The following RSRC1 variants were observed in gnomAD, a reference collection of about 807,000 sequenced individuals.
The protein encoded by RSRC1 is serine/Arginine-related protein 53.
Under a neutral mutation model 49.1 loss-of-function variants are expected in RSRC1, and 39 were observed. The ratio of observed to expected loss-of-function variants is 0.79; its 90% CI spans 0.61 to 1.04. The LOEUF is 1.04. Ranked by LOEUF, RSRC1 falls within the 50% of genes least tolerant of loss-of-function variation. The pLI, the probability that RSRC1 is intolerant of heterozygous loss-of-function variation, is 0.00. For synonymous variants in RSRC1, 143 were observed against 130.8 expected (o/e 1.09, Z -0.63); for missense variants, 388 against 402.4 (o/e 0.96, Z 0.31).
intron 3 of RSRC1, 21 bp downstream of exon 3, chr3:158,124,012 A>G (rs1214429530): frequency 1.3e-6 from 2 of 1,501,726 alleles, no homozygotes; most frequent in Non-Finnish European, 1.8e-6. Flanking sequence ...TTAAGTATTT[A>G]TTGCTTTGTA....
chr3:158,470,353 C>CATAT lies in RSRC1; in HGVS notation c.652+9351_652+9352insTATA, dbSNP rs1168384550. On this transcript the variant is annotated intron_variant, in intron 7 of 9. Coordinates refer to ENST00000611884, the MANE Select transcript of RSRC1 (RefSeq NM_001271838.2). The stretch of plus-strand genomic sequence containing the variant: ...ACACACACACACACACACACACACA[C>CATAT]ACACACACATATATATATATATATA... 6.3e-3 allele frequency among the ~76,000 whole-genome samples: 755 copies of CATAT among 119,934 alleles called. 5 individuals are homozygous for CATAT. Among genetic ancestry groups the CATAT allele is most frequent in the African/African-American group, 0.025 (719 of 28,762 alleles). 78.7% of individuals were successfully genotyped at this position (119,934 alleles called of 152,430 possible). A position where few individuals can be genotyped will look rare whatever the true frequency, so the allele number is the denominator to read the frequency against.
chr3:158,526,335 A>G (rs1341061180), intron 7 of RSRC1, among the ~76,000 whole-genome samples: 1 of 152,022 alleles, frequency 6.6e-6, no homozygotes, highest in East Asian at 1.9e-4. Context: ...AGCGTAGAGG[A>G]TGTTTGAAGT....
intron 6 of RSRC1, among the ~76,000 whole-genome samples, chr3:158,435,862 C>T (rs1005283746): frequency 6.6e-6 from 1 of 151,500 alleles, no homozygotes; most frequent in African/African-American, 2.4e-5. Context: ...TATATCCACA[C>T]ATATATCTTA....
Position 158,429,975 on chromosome 3 carries a change from C to G in RSRC1, c.584-30960C>G, listed in dbSNP as rs962700185. ...TAGAGATCTGCTGTAAGGCATGGTACCTATAGTAAACAATAATGACTTGTA... is the reference window on the plus strand; with the variant it reads ...TAGAGATCTGCTGTAAGGCATGGTAGCTATAGTAAACAATAATGACTTGTA... On this transcript the variant is annotated intron_variant, in intron 6 of 9. Transcript: ENST00000611884. Among the ~76,000 whole-genome samples, 116 of 151,240 alleles carry G rather than the reference C, an allele frequency of 7.7e-4. 1 individual carries two copies. The highest frequency in any genetic ancestry group is 1.3e-3 in the Non-Finnish European group (87 of 67,744).
chr3:158,458,393 C>T (rs1193614761), intron 6 of RSRC1, among the ~76,000 whole-genome samples: 3 of 151,636 alleles, frequency 2.0e-5, no homozygotes, highest in Non-Finnish European at 4.4e-5. Flanking sequence ...TGGCAAAAAC[C>T]ATTAAAATAG....
chr3:158,344,972 A>G (rs1472134078), intron 5 of RSRC1, among the ~76,000 whole-genome samples: 1 of 152,112 alleles, frequency 6.6e-6, no homozygotes, highest in Non-Finnish European at 1.5e-5. Flanking sequence ...TAATCCCAGC[A>G]CTTTGGGAGG....
chr3:158,352,477 T>A (rs1730929645), intron 5 of RSRC1, among the ~76,000 whole-genome samples: 1 of 152,126 alleles, frequency 6.6e-6, no homozygotes, highest in African/African-American at 2.4e-5. Context: ...ATTTCTTAAT[T>A]GTTAAAAAAA....
Position 158,320,368 on chromosome 3 carries a change from A to G in RSRC1, c.531+22293A>G, listed in dbSNP as rs138412976. Among the ~76,000 whole-genome samples, 930 of 152,308 alleles carry G rather than the reference A, an allele frequency of 6.1e-3. 14 individuals carry two copies. The highest frequency in any genetic ancestry group is 0.022 in the African/African-American group (898 of 41,574). On this transcript the variant is annotated intron_variant, in intron 5 of 9. Coordinates refer to ENST00000611884, the MANE Select transcript of RSRC1 (RefSeq NM_001271838.2). ...TATCTGAATACTTGTTACATGTAATATGTGTTTGTTCTGTTATATGTAATA... is the reference window on the plus strand; with the variant it reads ...TATCTGAATACTTGTTACATGTAATGTGTGTTTGTTCTGTTATATGTAATA...
chr3:158,196,712 C>G (rs948203079), intron 3 of RSRC1, among the ~76,000 whole-genome samples: 7 of 152,008 alleles, frequency 4.6e-5, no homozygotes, highest in South Asian at 4.2e-4. Flanking sequence ...TAGCATGAAG[C>G]GTTGTTGAAT....
chr3:158,397,636 TTAATATC>T (rs1285188403), intron 6 of RSRC1, among the ~76,000 whole-genome samples: 6 of 152,150 alleles, frequency 3.9e-5, no homozygotes, highest in African/African-American at 1.4e-4. Flanking sequence ...GGAGACAACT[TTAATATC>T]TAGTAATAAT....
chr3:158,351,416 A>C (rs1033992154), intron 5 of RSRC1, among the ~76,000 whole-genome samples: 2 of 152,266 alleles, frequency 1.3e-5, no homozygotes, highest in African/African-American at 2.4e-5. Context: ...AGCAATAAAT[A>C]TAAGCAAAGT....
intron 6 of RSRC1, among the ~76,000 whole-genome samples, chr3:158,455,811 C>T: frequency 6.6e-6 from 1 of 151,820 alleles, no homozygotes. Context: ...GAAACCCCAT[C>T]TCTACTGAAA....
chr3:158,541,034 G>C (rs1713003999), intron 8 of RSRC1, among the ~76,000 whole-genome samples: 1 of 152,208 alleles, frequency 6.6e-6, no homozygotes, highest in African/African-American at 2.4e-5. Flanking sequence ...GCAGAGTGGT[G>C]ATGTGGCTGT....
chr3:158,352,721 C>T (rs1033652011), intron 5 of RSRC1, among the ~76,000 whole-genome samples: 7 of 152,074 alleles, frequency 4.6e-5, no homozygotes, highest in South Asian at 2.1e-4. Context: ...TAACAAATTT[C>T]GTAACCCTGG....
chr3:158,449,352 T>G (rs533468615), intron 6 of RSRC1, among the ~76,000 whole-genome samples: 1 of 152,100 alleles, frequency 6.6e-6, no homozygotes, highest in South Asian at 2.1e-4. Context: ...TCCTGAAATG[T>G]ATTCTTTGTT....
Position 158,145,764 on chromosome 3 carries a change from A to G in RSRC1, c.320+21773A>G, listed in dbSNP as rs185470490. Among the ~76,000 whole-genome samples, 19 of 152,278 alleles carry G rather than the reference A, an allele frequency of 1.2e-4. No individual in the cohort carries two copies. In the East Asian group the frequency reaches 3.1e-3, roughly 25 times the overall value. Reference sequence around the variant, plus strand: ...CGATATTGCTTCTTCCTATCCATGAACATGGAATGTTCTTCCATTTGTTTG... The same window carrying G: ...CGATATTGCTTCTTCCTATCCATGAGCATGGAATGTTCTTCCATTTGTTTG... On this transcript the variant is annotated intron_variant, in intron 3 of 9. Transcript: ENST00000611884.
At chr3:158,444,255 CTA>C (rs966970341) in intron 6 of RSRC1, among the ~76,000 whole-genome samples, 2 of 152,130 alleles carry the variant, frequency 1.3e-5, no homozygotes, top group African/African-American at 4.8e-5. Context: ...TGACTTCAAA[CTA>C]TACTACAACG....
chr3:158,519,033 T>C (rs2108487621), intron 7 of RSRC1, among the ~76,000 whole-genome samples: 1 of 152,172 alleles, frequency 6.6e-6, no homozygotes, highest in East Asian at 1.9e-4. Flanking sequence ...TTTTAACATA[T>C]AGTCATCTCA....
rs546308469 is a variant in RSRC1 at position 158,493,766 on chromosome 3, T to C, written c.652+32763T>C. Among the ~76,000 whole-genome samples, 5 of 152,302 alleles carry C rather than the reference T, an allele frequency of 3.3e-5. No homozygotes were observed. In the South Asian group the frequency reaches 1.0e-3, roughly 32 times the overall value. On this transcript the variant is annotated intron_variant, in intron 7 of 9. Transcript: ENST00000611884. ...GGAATGATCAGTTGGCCATCTGTGA[T>C]TGACTGAAGCTCAGCTACTGTGATA...
Sources: gnomAD v4.1 joint callset for allele counts (sites outside exome capture counted in the v4.1 genomes callset) on GRCh38, gnomAD v4.1.1 for gene constraint, MANE v1.5 for transcripts, NCBI Gene and HGNC (gene_info 2026-07-23, HGNC 2026-07-21) for gene names.